Variants in PIEZO2 observed in about 807,000 individuals in gnomAD.
The protein encoded by PIEZO2 is piezo type mechanosensitive ion channel component 2.
PIEZO2 carries 172 observed loss-of-function variants against 337.3 expected under a neutral mutation model. The observed-to-expected ratio is 0.51, with a 90% confidence interval of 0.45 to 0.58. The LOEUF is 0.58. PIEZO2 is among the 20% of genes least tolerant of loss of function. PIEZO2 has a pLI of 0.00. For missense variants in PIEZO2, 3,028 were observed against 3,391.3 expected, an observed-to-expected ratio of 0.89 and a Z score of 2.66; for synonymous variants, 1,251 against 1,228.5, an observed-to-expected ratio of 1.02 and a Z score of -0.38.
chr18:10,978,514 T>C (rs1190532613), intron 3 of PIEZO2, among the ~76,000 whole-genome samples: 1 of 152,216 alleles, frequency 6.6e-6, no homozygotes, highest in Non-Finnish European at 1.5e-5. Context: ...ATCAATAAAA[T>C]GGCTGGATTG....
chr18:10,691,433 C>T lies in PIEZO2; in HGVS notation c.7191-50G>A, dbSNP rs368787443. ...GAAGCAATGAAATACTCTTCTGAAA[C>T]AAAAGGATGGCAGTGTCAAATTAAA... On this transcript the variant is annotated intron_variant, in intron 47 of 55. Transcript: ENST00000674853. The T allele has an allele frequency of 3.6e-5, 56 of 1,567,154 alleles. No individual in the cohort carries two copies. In the African/African-American group the frequency reaches 6.5e-4, roughly 18 times the overall value.
At chr18:10,698,808 CAAT>C in intron 44 of PIEZO2, 114 bp downstream of exon 44, 1 of 1,305,648 alleles carries the variant, frequency 7.7e-7, no homozygotes, top group East Asian at 2.5e-5. Flanking sequence ...TTTCACATAA[CAAT>C]GTCTGTCTCT....
chr18:10,766,839 C>A lies in PIEZO2; in HGVS notation c.2946+3309G>T, dbSNP rs1358032475. On this transcript the variant is annotated intron_variant, in intron 21 of 55. Coordinates refer to ENST00000674853, the MANE Select transcript of PIEZO2 (RefSeq NM_001378183.1). The surrounding 1 kb of genome is among the most constrained non-coding windows in gnomAD (Gnocchi z 6.1). ...AAGCTACTACACTAGCACCTAGCAC[C>A]ATGTACGCATTCACTTTATTGTGAG... Among the ~76,000 whole-genome samples the A allele has an allele frequency of 6.6e-6, 1 of 152,236 alleles. No individual in the cohort carries two copies. The highest frequency in any genetic ancestry group is 1.5e-5 in the Non-Finnish European group (1 of 68,052).
rs2145336459 is a variant in PIEZO2, at chr18:10,954,950, T to A, written c.286+24585A>T. ...TTATTCTTGCACTTTAGATAATACATCAAAAATTGCTGCCAGTCAATACAT... is the reference window on the plus strand; with the variant it reads ...TTATTCTTGCACTTTAGATAATACAACAAAAATTGCTGCCAGTCAATACAT... On this transcript the variant is annotated intron_variant, in intron 3 of 55. Transcript: ENST00000674853. The surrounding 1 kb of genome is among the most constrained non-coding windows in gnomAD (Gnocchi z 4.2). Among the ~76,000 whole-genome samples, 1 of 151,764 alleles carries A rather than the reference T, an allele frequency of 6.6e-6. No individual in the cohort carries two copies. Among genetic ancestry groups the A allele is most frequent in the Non-Finnish European group, 1.5e-5 (1 of 67,924 alleles).
rs2034337083 is a variant in PIEZO2 at position 10,973,838 on chromosome 18, TATTTTGTCTCCC to T, written c.286+5685_286+5696del. Among the ~76,000 whole-genome samples the T allele has an allele frequency of 6.6e-6, 1 of 152,200 alleles. No individual in the cohort carries two copies. Among genetic ancestry groups the T allele is most frequent in the African/African-American group, 2.4e-5 (1 of 41,446 alleles). ...TGCAGGGTGTGAGTTTGCTTTTATATATTTTGTCTCCCATTTCGTACTTATTAGCTCTTTTCT... is the reference window on the plus strand; with the variant it reads ...TGCAGGGTGTGAGTTTGCTTTTATATATTTCGTACTTATTAGCTCTTTTCT... On this transcript the variant is annotated intron_variant, in intron 3 of 55. Transcript: ENST00000674853. The surrounding 1 kb of genome is among the most constrained non-coding windows in gnomAD (Gnocchi z 4.9).
At chr18:10,992,290 C>G (rs1162761369) in intron 2 of PIEZO2, among the ~76,000 whole-genome samples, 1 of 152,198 alleles carries the variant, frequency 6.6e-6, no homozygotes, top group East Asian at 1.9e-4. Flanking sequence ...GTGTTTTAGG[C>G]ATAAAATCTT....
Position 11,064,592 on chromosome 18 carries a change from G to C in PIEZO2, c.160+1535C>G, listed in dbSNP as rs562532152. Among the ~76,000 whole-genome samples, 3 of 152,296 alleles carry C rather than the reference G, an allele frequency of 2.0e-5. No homozygotes were observed. The East Asian group carries it at 5.8e-4, about 29-fold the overall frequency. Reference sequence around the variant, plus strand: ...TCCTTGGCACATCTGAGTATGAACTGATGTCCATAAACCATCAACTGTTTG... The same window carrying C: ...TCCTTGGCACATCTGAGTATGAACTCATGTCCATAAACCATCAACTGTTTG... On this transcript the variant is annotated intron_variant, in intron 2 of 55. Coordinates refer to ENST00000674853, the MANE Select transcript of PIEZO2 (RefSeq NM_001378183.1).
At chr18:10,984,630 G>C (rs264165) in intron 2 of PIEZO2, among the ~76,000 whole-genome samples, 61,186 of 151,872 alleles carry the variant, frequency 0.4, 13,076 homozygotes, top group Non-Finnish European at 0.49. Flanking sequence ...AAACACTGGT[G>C]TTTAAGAAGT....
intron 17 of PIEZO2, among the ~76,000 whole-genome samples, chr18:10,782,305 A>G (rs2039023719): frequency 9.1e-6 from 1 of 109,720 alleles, no homozygotes; most frequent in Non-Finnish European, 1.7e-5. Context: ...TTATATATAA[A>G]TAATTATATA....
intron 7 of PIEZO2, among the ~76,000 whole-genome samples, chr18:10,826,189 G>C (rs2040672280): frequency 6.6e-6 from 1 of 152,154 alleles, no homozygotes; most frequent in African/African-American, 2.4e-5. Flanking sequence ...GTGGGCACTA[G>C]CTGTGCTCAC....
rs57838670 is a variant in PIEZO2 at position 10,691,217 on chromosome 18, C to T, written c.7349+8G>A. The T allele has an allele frequency of 5.7e-3, 9,211 of 1,611,404 alleles. 441 individuals carry two copies. The African/African-American group carries it at 0.11, about 19-fold the overall frequency. On this transcript the variant is annotated splice_region_variant and intron_variant, in intron 48 of 55. Transcript: ENST00000674853. ...CATAAGTGACTGTGACGTTGCAGAG[C>T]GTCCTACCCTTGGAATAAGAAGAGG...
In PIEZO2 at chr18:11,084,445, G is replaced by T. The variant is rs960773399; in HGVS notation, c.65-18223C>A. Among the ~76,000 whole-genome samples the T allele has an allele frequency of 3.5e-4, 54 of 152,204 alleles. 2 individuals are homozygous for T. The highest frequency in any genetic ancestry group is 3.2e-3 in the Admixed American group (49 of 15,296). ...TCTTTCAGGGAAGGAAGAAACAGGA[G>T]ATAAGAGAGATCAAGTGATCCCAGG... is the stretch of plus-strand genomic sequence containing the variant. On this transcript the variant is annotated intron_variant, in intron 1 of 55. Coordinates refer to ENST00000674853, the MANE Select transcript of PIEZO2 (RefSeq NM_001378183.1).
At position 11,002,823 on chromosome 18, in the gene PIEZO2, C is replaced by T. The variant is rs2035589715; in HGVS notation, c.161-23163G>A. On this transcript the variant is annotated intron_variant, in intron 2 of 55. Transcript: ENST00000674853. The surrounding 1 kb of genome is among the most constrained non-coding windows in gnomAD (Gnocchi z 4.3). Reference sequence around the variant, plus strand: ...TTGGATAATCCAATTTCAAGCACCCCAATAAAATGGCTTTTCTCACACATT... The same window carrying T: ...TTGGATAATCCAATTTCAAGCACCCTAATAAAATGGCTTTTCTCACACATT... 6.6e-6 allele frequency among the ~76,000 whole-genome samples: 1 copy of T among 152,180 alleles called. No individual in the cohort carries two copies. The highest frequency in any genetic ancestry group is 2.1e-4 in the South Asian group (1 of 4,830).
chr18:11,051,345 A>ATGTGTGTGTGTGTG (rs144159846), intron 2 of PIEZO2, among the ~76,000 whole-genome samples: 21,246 of 146,686 alleles, frequency 0.14, 1,748 homozygotes, highest in Middle Eastern at 0.24. Flanking sequence ...ATCACTTAGG[A>ATGTGTGTGTGTGTG]TGTGTGTGTG....
rs1398760129 is a variant in PIEZO2 at position 11,111,589 on chromosome 18, A to G, written c.64+36936T>C. On this transcript the variant is annotated intron_variant, in intron 1 of 55. Coordinates refer to ENST00000674853, the MANE Select transcript of PIEZO2 (RefSeq NM_001378183.1). The surrounding 1 kb of genome is among the most constrained non-coding windows in gnomAD (Gnocchi z 6.2). Reference sequence around the variant, plus strand: ...GGGCCCGCCCTGCCTGGGACCCTGTAGGGACTTTAACTCAAGAGTCTTGAT... The same window carrying G: ...GGGCCCGCCCTGCCTGGGACCCTGTGGGGACTTTAACTCAAGAGTCTTGAT... 6.6e-6 allele frequency among the ~76,000 whole-genome samples: 1 copy of G among 152,098 alleles called. No homozygotes were observed. The highest frequency in any genetic ancestry group is 2.4e-5 in the African/African-American group (1 of 41,400).
chr18:10,987,965 A>G (rs909810650), intron 2 of PIEZO2, among the ~76,000 whole-genome samples: 1 of 152,126 alleles, frequency 6.6e-6, no homozygotes, highest in Admixed American at 6.5e-5. Context: ...TATGAAGGAA[A>G]TGCAAAACAA....
rs2031928709 is a variant in PIEZO2 at position 10,929,055 on chromosome 18, TA to T, written c.287-17828del. 6.6e-6 allele frequency among the ~76,000 whole-genome samples: 1 copy of T among 152,180 alleles called. No homozygotes were observed. On this transcript the variant is annotated intron_variant, in intron 3 of 55. Transcript: ENST00000674853. The surrounding 1 kb of genome is among the most constrained non-coding windows in gnomAD (Gnocchi z 5.6). ...ACTGCTGACTCAAAATGATTTACGG[TA>T]CTTTGCTGAGGTTTTGGCTGACTGT...
chr18:11,089,506 T>C (rs2039007471), intron 1 of PIEZO2, among the ~76,000 whole-genome samples: 1 of 152,080 alleles, frequency 6.6e-6, no homozygotes, highest in Admixed American at 6.6e-5. Context: ...GATAAGCTTG[T>C]ATAACTGAGT....
rs1189113710 is a variant in PIEZO2 at position 11,110,620 on chromosome 18, A to AG, written c.64+37904dup. On this transcript the variant is annotated intron_variant, in intron 1 of 55. Coordinates refer to ENST00000674853, the MANE Select transcript of PIEZO2 (RefSeq NM_001378183.1). This position sits in a 1 kb window ranked among gnomAD's most constrained non-coding sequence, Gnocchi z 4.2. The stretch of plus-strand genomic sequence containing the variant: ...CGGTGGTGGGCAGGGGAGCAGGTGG[A>AG]GCCGGTGAGCAGCCCCAGGCCAGGC... Among the ~76,000 whole-genome samples, 4 of 152,152 alleles carry AG rather than the reference A, an allele frequency of 2.6e-5. No individual in the cohort carries two copies. Among genetic ancestry groups the AG allele is most frequent in the Admixed American group, 6.5e-5 (1 of 15,270 alleles).
Sources: allele counts gnomAD v4.1 joint callset (sites outside exome capture counted in the v4.1 genomes callset), GRCh38; gene constraint gnomAD v4.1.1; non-coding constraint Gnocchi (gnomAD v3.1); transcripts MANE v1.5; gene names NCBI Gene and HGNC (gene_info 2026-07-23, HGNC 2026-07-21).